Variants in GRIA4 observed in about 807,000 individuals in gnomAD.
The protein encoded by GRIA4 is glutamate ionotropic receptor AMPA type subunit 4.
GRIA4 carries 34 observed loss-of-function variants against 104.0 expected under a neutral mutation model. That is an observed-to-expected ratio of 0.33 (90% CI 0.25 to 0.44). The LOEUF (loss-of-function observed/expected upper bound fraction) is 0.44, where lower values mean the gene tolerates loss of function less well. Among genes scored for constraint, GRIA4 ranks in the 20% least tolerant of loss-of-function variants. GRIA4 has a pLI of 1.00. For missense variants in GRIA4, 750 were observed against 1,096.5 expected, an observed-to-expected ratio of 0.68 and a Z score of 4.46; for synonymous variants, 386 against 381.9, an observed-to-expected ratio of 1.01 and a Z score of -0.13.
intron 3 of GRIA4, among the ~76,000 whole-genome samples, chr11:105,650,670 CT>C (rs1358439558): frequency 6.6e-6 from 1 of 152,092 alleles, no homozygotes; most frequent in South Asian, 2.1e-4. Context: ...AATTCCTGCC[CT>C]TGAGTCTCTG....
At chr11:105,761,301 C>T (rs983185372) in intron 4 of GRIA4, among the ~76,000 whole-genome samples, 1 of 151,974 alleles carries the variant, frequency 6.6e-6, no homozygotes, top group Non-Finnish European at 1.5e-5. Context: ...TCTTTTGGCT[C>T]ATATTTGTCA....
intron 4 of GRIA4, among the ~76,000 whole-genome samples, chr11:105,755,070 G>T (rs1940222597): frequency 6.6e-6 from 1 of 152,068 alleles, no homozygotes; most frequent in Admixed American, 6.5e-5. Context: ...ACAATGTTCT[G>T]GGTGGTATAA....
intron 3 of GRIA4, among the ~76,000 whole-genome samples, chr11:105,712,810 C>G (rs1217266341): frequency 6.6e-6 from 1 of 151,350 alleles, no homozygotes; most frequent in Non-Finnish European, 1.5e-5. Context: ...TAGGCCATTC[C>G]TCATAACTAG....
At chr11:105,866,551 G>GTATATA (rs71041633) in intron 5 of GRIA4, among the ~76,000 whole-genome samples, 1,018 of 76,554 alleles carry the variant, frequency 0.013, 16 homozygotes, top group East Asian at 0.033. Flanking sequence ...GTGTGTGTGT[G>GTATATA]TATATATATA....
At chr11:105,673,375 T>C (rs544372932) in intron 3 of GRIA4, among the ~76,000 whole-genome samples, 9 of 152,126 alleles carry the variant, frequency 5.9e-5, no homozygotes, top group Non-Finnish European at 1.2e-4. Context: ...AAATGTAACA[T>C]AAACAGTCAT....
At chr11:105,817,196 C>G (rs1591301393) in intron 4 of GRIA4, among the ~76,000 whole-genome samples, 1 of 151,768 alleles carries the variant, frequency 6.6e-6, no homozygotes, top group South Asian at 2.1e-4. Context: ...GTTAGTGTGC[C>G]ATGGAGATTA....
At chr11:105,957,589 T>C (rs1242240620) in intron 14 of GRIA4, among the ~76,000 whole-genome samples, 1 of 152,204 alleles carries the variant, frequency 6.6e-6, no homozygotes. Flanking sequence ...GTCTTGGCAA[T>C]GTGGGCTCAT....
chr11:105,882,210 G>T (rs1417037182), intron 5 of GRIA4, among the ~76,000 whole-genome samples: 1 of 152,100 alleles, frequency 6.6e-6, no homozygotes, highest in East Asian at 1.9e-4. Context: ...CCATGTCACT[G>T]AATTCTCTGG....
chr11:105,692,387 T>C (rs796419929), intron 3 of GRIA4, among the ~76,000 whole-genome samples: 2 of 152,288 alleles, frequency 1.3e-5, no homozygotes, highest in African/African-American at 2.4e-5. Context: ...ATTGGAGATA[T>C]GTTATATGAA....
chr11:105,658,936 TCTC>T (rs1423212758), intron 3 of GRIA4, among the ~76,000 whole-genome samples: 3 of 151,940 alleles, frequency 2.0e-5, no homozygotes, highest in African/African-American at 7.2e-5. Context: ...GTTAATCTCT[TCTC>T]CTTCCTAAAA....
intron 3 of GRIA4, among the ~76,000 whole-genome samples, chr11:105,650,416 C>A (rs1422120408): frequency 6.6e-6 from 1 of 151,912 alleles, no homozygotes. Context: ...ATTAGAGCAG[C>A]TCTCTGAAAA....
chr11:105,815,603 C>CG (rs1943345177), intron 4 of GRIA4, among the ~76,000 whole-genome samples: 1 of 151,670 alleles, frequency 6.6e-6, no homozygotes, highest in Non-Finnish European at 1.5e-5. Flanking sequence ...CTGTTACTGC[C>CG]GAAAGCTGAG....
chr11:105,888,149 G>C (rs1369369091), intron 6 of GRIA4, among the ~76,000 whole-genome samples: 3 of 151,912 alleles, frequency 2.0e-5, no homozygotes, highest in African/African-American at 7.3e-5. Context: ...TAACCATGTA[G>C]TGTAGGGGGT....
intron 6 of GRIA4, among the ~76,000 whole-genome samples, chr11:105,888,108 A>G (rs563428467): frequency 6.6e-6 from 1 of 152,218 alleles, no homozygotes; most frequent in Non-Finnish European, 1.5e-5. Context: ...CCTTTTAGAT[A>G]TCTTGGCAAG....
At chr11:105,815,410 C>G (rs1943334999) in intron 4 of GRIA4, among the ~76,000 whole-genome samples, 1 of 152,094 alleles carries the variant, frequency 6.6e-6, no homozygotes, top group South Asian at 2.1e-4. Flanking sequence ...AGTTAAGACT[C>G]TATTATCTAA....
At chr11:105,693,008 A>G (rs1227870565) in intron 3 of GRIA4, among the ~76,000 whole-genome samples, 1 of 152,236 alleles carries the variant, frequency 6.6e-6, no homozygotes, top group African/African-American at 2.4e-5. Context: ...GCTTGATCAT[A>G]TCTGCCTCAG....
At chr11:105,969,185 T>C (rs1363476525) in intron 14 of GRIA4, among the ~76,000 whole-genome samples, 4 of 152,174 alleles carry the variant, frequency 2.6e-5, no homozygotes, top group Non-Finnish European at 5.9e-5. Flanking sequence ...TGATAGATGC[T>C]ATACTTACAA....
chr11:105,846,341 G>A lies in GRIA4; in HGVS notation c.488-15683G>A, dbSNP rs578195237. On this transcript the variant is annotated intron_variant, in intron 4 of 16. Coordinates refer to ENST00000282499, the MANE Select transcript of GRIA4 (RefSeq NM_000829.4). ...TAGTTAATTTGGAAGAAGTGAGGAG[G>A]AAGAGGTATTGATTAAAATGACTTC... is the stretch of plus-strand genomic sequence containing the variant. Among the ~76,000 whole-genome samples, 7 of 152,216 alleles carry A rather than the reference G, an allele frequency of 4.6e-5. No homozygotes were observed. In the South Asian group the frequency reaches 8.3e-4, roughly 18 times the overall value.
intron 6 of GRIA4, among the ~76,000 whole-genome samples, chr11:105,887,875 A>G (rs1207609359): frequency 6.6e-6 from 1 of 152,220 alleles, no homozygotes; most frequent in Non-Finnish European, 1.5e-5. Context: ...TACTTTATAG[A>G]CAAAGATAGC....
Sources: allele counts gnomAD v4.1 joint callset (sites outside exome capture counted in the v4.1 genomes callset), GRCh38; gene constraint gnomAD v4.1.1; transcripts MANE v1.5; gene names NCBI Gene and HGNC (gene_info 2026-07-23, HGNC 2026-07-21).